The following BRWD1 variants were observed in gnomAD, a reference collection of about 807,000 sequenced individuals.
The protein encoded by BRWD1 is bromodomain and WD repeat-containing protein 1.
BRWD1 carries 82 observed loss-of-function variants against 251.2 expected under a neutral mutation model. That is an observed-to-expected ratio of 0.33 (90% CI 0.27 to 0.39). The LOEUF (loss-of-function observed/expected upper bound fraction) is 0.39. BRWD1 is among the 10% of genes least tolerant of loss of function. The probability of loss-of-function intolerance (pLI) is 1.00; values close to 1 mark genes in which losing one functional copy is unlikely to be tolerated. For synonymous variants in BRWD1, 918 were observed against 902.8 expected (o/e 1.02, Z -0.30); for missense variants, 2,233 against 2,711.6 (o/e 0.82, Z 3.92).
chr21:39,236,836 T>C lies in BRWD1; in HGVS notation c.2577-52A>G, dbSNP rs757299491. ...AATGGAGCCAGAATATAAGCACTGA[T>C]AGCAAGTCAATCATATAAAATTGAG... On this transcript the variant is annotated intron_variant, in intron 22 of 40. Coordinates refer to ENST00000342449, the MANE Select transcript of BRWD1 (RefSeq NM_033656.4). The C allele has an allele frequency of 9.6e-6, 14 of 1,465,582 alleles. 1 individual carries two copies. Among genetic ancestry groups the C allele is most frequent in the East Asian group, 6.8e-5 (3 of 43,840 alleles). The allele number at this position is 1,465,582 out of a possible 1,614,324, so 90.8% of individuals were successfully genotyped here. A position where few individuals can be genotyped will look rare whatever the true frequency, so the allele number is the denominator to read the frequency against.
chr21:39,213,998 A>T (rs1410007051), intron 32 of BRWD1, among the ~76,000 whole-genome samples: 1 of 151,968 alleles, frequency 6.6e-6, no homozygotes, highest in Non-Finnish European at 1.5e-5. Context: ...AGGAGAAAAA[A>T]AGAATGCTGA....
At chr21:39,238,856 G>C (rs1327006099) in intron 21 of BRWD1, among the ~76,000 whole-genome samples, 1 of 152,138 alleles carries the variant, frequency 6.6e-6, no homozygotes, top group East Asian at 1.9e-4. Flanking sequence ...TTAATAAAAA[G>C]TCAATGTAAA....
chr21:39,296,150 T>C (rs2035956953), intron 6 of BRWD1, 115 bp downstream of exon 6: 2 of 843,324 alleles, frequency 2.4e-6, no homozygotes, highest in Admixed American at 5.8e-5. Context: ...CTTATTACTA[T>C]TAAAACAACA....
At chr21:39,314,027 G>C (rs540063401), upstream of BRWD1, 4 of 455,282 alleles carry the variant, frequency 8.8e-6, no homozygotes, top group Non-Finnish European at 1.8e-5. Context: ...GGGACCGCAG[G>C]GGCCCCGAGT....
At position 39,296,120 on chromosome 21, in the gene BRWD1, CAAT is replaced by C. The variant is rs1413897868; in HGVS notation, c.448+142_448+144del. On this transcript the variant is annotated intron_variant, in intron 6 of 40. Coordinates refer to ENST00000342449, the MANE Select transcript of BRWD1 (RefSeq NM_033656.4). Reference sequence around the variant, plus strand: ...ATTTTATTTTTAGTAATTATTTTAACAATAATTTGACATTTGATACTTATTACT... The same window carrying C: ...ATTTTATTTTTAGTAATTATTTTAACAATTTGACATTTGATACTTATTACT... The C allele has an allele frequency of 1.6e-4, 104 of 654,260 alleles. 1 individual carries two copies. In the Admixed American group the frequency reaches 2.1e-3, roughly 13 times the overall value. 40.5% of individuals were successfully genotyped at this position (654,260 alleles called of 1,614,324 possible).
At chr21:39,313,337 G>A (rs1286591617) in intron 1 of BRWD1, 38 bp from the exon 2 acceptor site, 5 of 1,513,494 alleles carry the variant, frequency 3.3e-6, no homozygotes, top group Admixed American at 1.9e-5. Flanking sequence ...GCCCCGGCGG[G>A]GAGGGGAGGG....
At chr21:39,223,157 T>C (rs560089486) in intron 29 of BRWD1, among the ~76,000 whole-genome samples, 3 of 152,320 alleles carry the variant, frequency 2.0e-5, no homozygotes, top group African/African-American at 7.2e-5. Context: ...ATAAAGTCTA[T>C]AGACAATAGT....
chr21:39,314,353 G>T (rs541550737), upstream of BRWD1: 1 of 455,868 alleles, frequency 2.2e-6, no homozygotes, highest in East Asian at 7.0e-5. Flanking sequence ...CTTCGCCGAG[G>T]GGGTGCGAGT....
At chr21:39,258,231 C>T (rs569746512) in intron 18 of BRWD1, among the ~76,000 whole-genome samples, 20 of 152,210 alleles carry the variant, frequency 1.3e-4, no homozygotes, top group African/African-American at 2.6e-4. Context: ...ATCTGTTATT[C>T]GCTCCTATTT....
intron 33 of BRWD1, 74 bp from the exon 34 acceptor site, chr21:39,212,781 C>A: frequency 9.3e-7 from 1 of 1,074,232 alleles, no homozygotes; most frequent in Admixed American, 2.3e-5. Flanking sequence ...TAATAAATAA[C>A]ATATCAAAGA....
chr21:39,265,535 A>G (rs1484611663), intron 15 of BRWD1, among the ~76,000 whole-genome samples: 1 of 152,250 alleles, frequency 6.6e-6, no homozygotes. Context: ...AAAAGTCTTC[A>G]AAGTTCTTCT....
chr21:39,286,343 A>G (rs765627075), intron 8 of BRWD1, among the ~76,000 whole-genome samples: 1 of 151,166 alleles, frequency 6.6e-6, no homozygotes, highest in Non-Finnish European at 1.5e-5. Context: ...AAAGTCAACA[A>G]TTCAGTGGCA....
intron 8 of BRWD1, among the ~76,000 whole-genome samples, chr21:39,289,524 C>T (rs924904892): frequency 3.3e-5 from 5 of 152,086 alleles, no homozygotes; most frequent in African/African-American, 7.2e-5. Flanking sequence ...CCTGGGATCA[C>T]ATCCCCACCT....
At chr21:39,283,612 C>A (rs2035540986) in intron 8 of BRWD1, among the ~76,000 whole-genome samples, 1 of 152,170 alleles carries the variant, frequency 6.6e-6, no homozygotes. Context: ...CTCAGCAGTT[C>A]TAACAAGTTT....
chr21:39,314,058 CCGCTCCGGGT>C (rs1305429957), upstream of BRWD1: 7 of 455,844 alleles, frequency 1.5e-5, no homozygotes, highest in Non-Finnish European at 3.1e-5. Flanking sequence ...GCAAGGTCGC[CCGCTCCGGGT>C]CGCTCGGAAG....
At position 39,215,471 on chromosome 21, in the gene BRWD1, A is replaced by G; in HGVS notation, c.3660-109T>C. 4 of 958,920 alleles carry G rather than the reference A, an allele frequency of 4.2e-6. No individual in the cohort carries two copies. In the South Asian group the frequency reaches 6.3e-5, roughly 15 times the overall value. The allele number at this position is 958,920 out of a possible 1,614,324, so 59.4% of individuals were successfully genotyped here. A position where few individuals can be genotyped will look rare whatever the true frequency, so the allele number is the denominator to read the frequency against. ...ACTGTGAAATAATAATTAAACCATA[A>G]GTGCAAAGTTATAATGAATAACCTT... On this transcript the variant is annotated intron_variant, in intron 31 of 40. Coordinates refer to ENST00000342449, the MANE Select transcript of BRWD1 (RefSeq NM_033656.4).
rs537072531 is a variant in BRWD1, at chr21:39,188,552, T to C, written c.*7707A>G. 1.0e-5 allele frequency: 10 copies of C among 985,406 alleles called. No individual in the cohort carries two copies. The African/African-American group carries it at 1.7e-4, about 17-fold the overall frequency. 61.0% of individuals were successfully genotyped at this position (985,406 alleles called of 1,614,324 possible). A position where few individuals can be genotyped will look rare whatever the true frequency, so the allele number is the denominator to read the frequency against. On this transcript the variant is annotated 3_prime_UTR_variant, in exon 41 of 41. Coordinates refer to ENST00000342449, the MANE Select transcript of BRWD1 (RefSeq NM_033656.4). ...TGAACTTTTTCTTCTGTGAAGATGT[T>C]TGCCCTTCTGTCACAAAGCTGACTG...
intron 1 of BRWD1, among the ~76,000 whole-genome samples, chr21:39,320,403 C>T (rs1359238057): frequency 1.3e-5 from 2 of 152,082 alleles, no homozygotes; most frequent in African/African-American, 2.4e-5. Flanking sequence ...AGTGCAATCA[C>T]GTCTCACTGC....
chr21:39,188,509 C>CT lies in BRWD1; in HGVS notation c.*7749_*7750insA, dbSNP rs2031372541. 1.0e-6 allele frequency: 1 copy of CT among 985,282 alleles called. No individual in the cohort carries two copies. Among genetic ancestry groups the CT allele is most frequent in the African/African-American group, 1.7e-5 (1 of 57,244 alleles). The allele number at this position is 985,282 out of a possible 1,614,324, so 61.0% of individuals were successfully genotyped here. On this transcript the variant is annotated 3_prime_UTR_variant, in exon 41 of 41. Coordinates refer to ENST00000342449, the MANE Select transcript of BRWD1 (RefSeq NM_033656.4). ...ACACTATTATTCTGTAGCAATGAAA[C>CT]CACCAATGCCAACCTTCTGAACTTT...
Sources: allele counts gnomAD v4.1 joint callset (sites outside exome capture counted in the v4.1 genomes callset), GRCh38; gene constraint gnomAD v4.1.1; transcripts MANE v1.5; gene names NCBI Gene and HGNC (gene_info 2026-07-23, HGNC 2026-07-21).